The following TENM4 variants were observed in gnomAD, a reference collection of about 807,000 sequenced individuals.
TENM4 encodes teneurin transmembrane protein 4, also known as teneurin-4.
In TENM4, 82 loss-of-function variants were observed where a neutral mutation model predicts 243.3. The observed-to-expected ratio is 0.34, with a 90% CI of 0.28 to 0.40. TENM4 has a LOEUF of 0.40. TENM4 is among the 10% of genes least tolerant of loss of function. The pLI, the probability that TENM4 is intolerant of heterozygous loss-of-function variation, is 1.00. For missense variants in TENM4, 3,138 were observed against 3,673.3 expected (o/e 0.85, Z 3.77); for synonymous variants, 1,412 against 1,456.3 (o/e 0.97, Z 0.69).
chr11:78,702,303 T>C lies in TENM4; in HGVS notation c.4310A>G (p.Gln1437Arg). The change falls in exon 28 of 34, where the codon CAG becomes CGG. Residue 1437 changes from glutamine to arginine, a missense_variant. Physicochemically the swap from Gln to Arg is conservative, Grantham distance 43. Around this residue, in one of 2 missense-constraint regions of TENM4, gnomAD observed 2,467 missense variants for 3,059.1 expected, o/e 0.81. Transcript: ENST00000278550. ...GGGCCTCCCGGCGACAATGCGCACC[T>C]GGTGGTTTTCAGAGATTTGCAGGAC... ...NVVLQISENH[Q>R]VRIVAGRPMH... is the part of the protein sequence containing the mutation. The C allele has an allele frequency of 6.2e-7, 1 of 1,614,046 alleles. No individual in the cohort carries two copies. The highest frequency in any genetic ancestry group is 1.3e-5 in the African/African-American group (1 of 75,058).
intron 7 of TENM4, among the ~76,000 whole-genome samples, chr11:78,902,649 T>G (rs1489431027): frequency 1.3e-5 from 2 of 152,084 alleles, no homozygotes; most frequent in African/African-American, 2.4e-5. Context: ...TTCATAGAGG[T>G]ATGAGGATTA....
At chr11:79,241,222 A>G (rs1023443743) in intron 2 of TENM4, among the ~76,000 whole-genome samples, 1 of 152,086 alleles carries the variant, frequency 6.6e-6, no homozygotes, top group South Asian at 2.1e-4. Flanking sequence ...TGTTCTATCT[A>G]AGAAAGCAAT....
chr11:79,357,258 A>T (rs1316416369), intron 1 of TENM4, among the ~76,000 whole-genome samples: 1 of 152,194 alleles, frequency 6.6e-6, no homozygotes, highest in African/African-American at 2.4e-5. Context: ...CATGATCTCC[A>T]ATGCTACACA....
At chr11:79,280,125 C>T (rs1485733054) in intron 2 of TENM4, among the ~76,000 whole-genome samples, 1 of 152,218 alleles carries the variant, frequency 6.6e-6, no homozygotes, top group Non-Finnish European at 1.5e-5. Context: ...GTCTCTAGAA[C>T]TGTGAGAAAT....
At chr11:79,003,020 T>G (rs1447894436) in intron 6 of TENM4, among the ~76,000 whole-genome samples, 1 of 152,150 alleles carries the variant, frequency 6.6e-6, no homozygotes, top group Admixed American at 6.6e-5. Flanking sequence ...AATACAATTG[T>G]AAGTATTAAC....
At chr11:79,268,716 C>T (rs1855920609) in intron 2 of TENM4, among the ~76,000 whole-genome samples, 2 of 152,210 alleles carry the variant, frequency 1.3e-5, no homozygotes, top group South Asian at 2.1e-4. Flanking sequence ...CTTGTCCCAA[C>T]TCTCATAATG....
chr11:79,403,604 A>AT (rs1189785182), intron 1 of TENM4, among the ~76,000 whole-genome samples: 1 of 152,142 alleles, frequency 6.6e-6, no homozygotes, highest in Non-Finnish European at 1.5e-5. Context: ...TTCCACTGTC[A>AT]TGTAATTGCC....
chr11:78,722,534 G>A (rs959167727), intron 24 of TENM4, 134 bp downstream of exon 24: 56 of 1,259,542 alleles, frequency 4.4e-5, no homozygotes, highest in Non-Finnish European at 5.7e-5. Context: ...GCTGGGAGGT[G>A]AAAAGTCTCA....
chr11:79,247,700 G>A (rs1855544301), intron 2 of TENM4, among the ~76,000 whole-genome samples: 1 of 152,192 alleles, frequency 6.6e-6, no homozygotes, highest in Non-Finnish European at 1.5e-5. Flanking sequence ...GATGGAACTG[G>A]CATTTTACCC....
At chr11:79,242,875 A>T (rs1269205052) in intron 2 of TENM4, among the ~76,000 whole-genome samples, 5 of 152,176 alleles carry the variant, frequency 3.3e-5, no homozygotes, top group Non-Finnish European at 7.3e-5. Context: ...GCCAAACTTT[A>T]GTTCCCAAAT....
chr11:78,669,202 C>G lies in TENM4; in HGVS notation c.7143G>C (p.Leu2381=). The change falls in exon 32 of 34, where the codon CTG becomes CTC. Residue 2381 remains leucine (L), a synonymous_variant. Coordinates refer to ENST00000278550, the MANE Select transcript of TENM4 (RefSeq NM_001098816.3). The surrounding 1 kb of genome is among the most constrained non-coding windows in gnomAD (Gnocchi z 6.4). Reference sequence around the variant, plus strand: ...TGTAGATCTCCCCATAGGCTGTGTACAGGATTTGCTTGATCATCAAACCTG... The same window carrying G: ...TGTAGATCTCCCCATAGGCTGTGTAGAGGATTTGCTTGATCATCAAACCTG... The part of the protein sequence containing the change: ...SGTGLMIKQI[L]YTAYGEIYMD... 1 of 1,612,142 alleles carries G rather than the reference C, an allele frequency of 6.2e-7. No homozygotes were observed. Among genetic ancestry groups the G allele is most frequent in the Admixed American group, 1.7e-5 (1 of 59,872 alleles).
At chr11:78,737,832 C>T (rs1190088638) in intron 20 of TENM4, among the ~76,000 whole-genome samples, 2 of 152,150 alleles carry the variant, frequency 1.3e-5, no homozygotes, top group Admixed American at 1.3e-4. Context: ...GATTTGTTAA[C>T]CACGTACTAT....
chr11:79,421,950 A>G (rs2135591591), intron 1 of TENM4, among the ~76,000 whole-genome samples: 1 of 152,176 alleles, frequency 6.6e-6, no homozygotes, highest in East Asian at 1.9e-4. Flanking sequence ...TACCCCTTTC[A>G]AGAGGCTGGC....
At chr11:78,788,438 T>G (rs184349407) in intron 15 of TENM4, among the ~76,000 whole-genome samples, 1 of 152,238 alleles carries the variant, frequency 6.6e-6, no homozygotes, top group Non-Finnish European at 1.5e-5. Flanking sequence ...GCCAGGGACC[T>G]GGATCCTATG....
rs548398996 is a variant in TENM4, at chr11:79,372,999, C to T, written c.-321+67510G>A. ...TATTCAAACTGCAGATAAGAGACAA[C>T]GAAATGCTTAGGATAGGAAGTTTGG... On this transcript the variant is annotated intron_variant, in intron 1 of 33. Transcript: ENST00000278550. Among the ~76,000 whole-genome samples the T allele has an allele frequency of 1.1e-4, 17 of 152,040 alleles. No individual in the cohort carries two copies. In the South Asian group the frequency reaches 1.9e-3, roughly 17 times the overall value.
intron 2 of TENM4, among the ~76,000 whole-genome samples, chr11:79,261,528 T>G (rs962551509): frequency 1.3e-5 from 2 of 152,138 alleles, no homozygotes; most frequent in Non-Finnish European, 2.9e-5. Context: ...GGCTTGGGAA[T>G]GAGCCCCCAC....
At chr11:78,928,686 A>T (rs180923477) in intron 6 of TENM4, among the ~76,000 whole-genome samples, 3 of 152,314 alleles carry the variant, frequency 2.0e-5, no homozygotes, top group African/African-American at 7.2e-5. Flanking sequence ...TCACAATTAA[A>T]CCTAGTTTAT....
rs533432920 is a variant in TENM4, at chr11:79,356,852, T to A, written c.-320-59309A>T. On this transcript the variant is annotated intron_variant, in intron 1 of 33. Coordinates refer to ENST00000278550, the MANE Select transcript of TENM4 (RefSeq NM_001098816.3). ...CCTTTGTCTTTGATCTGGTGCTTGC[T>A]CTCAGCAATCGTTTCCACACTATAT... 2.0e-5 allele frequency among the ~76,000 whole-genome samples: 3 copies of A among 152,324 alleles called. No homozygotes were observed. The South Asian group carries it at 6.2e-4, about 32-fold the overall frequency.
chr11:79,429,326 C>T (rs1590960580), intron 1 of TENM4, among the ~76,000 whole-genome samples: 1 of 152,202 alleles, frequency 6.6e-6, no homozygotes, highest in South Asian at 2.1e-4. Flanking sequence ...CACATCCTTC[C>T]CCCTCCCGCC....
Sources: gnomAD v4.1 joint callset for allele counts (sites outside exome capture counted in the v4.1 genomes callset) on GRCh38, gnomAD v4.1.1 for gene constraint, gnomAD v4.1.1 regional missense constraint, Gnocchi (gnomAD v3.1) non-coding constraint, MANE v1.5 for transcripts, NCBI Gene and HGNC (gene_info 2026-07-23, HGNC 2026-07-21) for gene names.